The following DDX11 variants were observed in gnomAD, a reference collection of about 807,000 sequenced individuals.
The protein encoded by DDX11 is DEAD/H-box helicase 11.
Under a neutral mutation model 125.2 loss-of-function variants are expected in DDX11, and 72 were observed. The observed-to-expected ratio is 0.58, with a 90% CI of 0.48 to 0.70. The LOEUF (loss-of-function observed/expected upper bound fraction) is 0.70. Among genes scored for constraint, DDX11 ranks in the 30% least tolerant of loss-of-function variants. The pLI is 0.00. For missense variants in DDX11, 883 were observed against 1,165.0 expected, an observed-to-expected ratio of 0.76 and a Z score of 3.52; for synonymous variants, 347 against 452.6, an observed-to-expected ratio of 0.77 and a Z score of 2.96.
chr12:31,090,005 G>A lies in DDX11; in HGVS notation c.1000G>A (p.Val334Met). The A allele has an allele frequency of 6.4e-7, 1 of 1,569,856 alleles. No individual in the cohort carries two copies. The highest frequency in any genetic ancestry group is 1.9e-5 in the Admixed American group (1 of 53,030). Residue 334 changes from valine (V) to methionine (M), a missense_variant, in exon 9 of 27, where the codon GTG becomes ATG. This residue lies in a region of DDX11 where 72 missense variants were observed against 159.7 expected (regional missense o/e 0.45). Transcript: ENST00000542838. ...TCTCCGGGATGAGGCCCTGGCAGAG[G>A]TGAAGGACATGGAGCAGCTGCTGGC... ...GLLRDEALAEVKDMEQLLALG... is the reference protein window; with the variant it reads ...GLLRDEALAEMKDMEQLLALG...
In DDX11 at chr12:31,084,595, A is replaced by G. The variant is rs1276909415; in HGVS notation, c.406A>G (p.Arg136Gly). ...LVDRLKAEQA[R>G]RKQREERLQQ... ...CTGCCTCCTGTAGGCGGAGCAGGCC[A>G]GGAGGAAGCAGCGAGAAGAACGCCT... is the stretch of plus-strand genomic sequence containing the variant. The change falls in exon 4 of 27, where the codon AGG becomes GGG. Residue 136 changes from arginine to glycine, a missense_variant. This residue lies in a region of DDX11 where 283 missense variants were observed against 359.6 expected (regional missense o/e 0.79). Coordinates refer to ENST00000542838, the MANE Select transcript of DDX11 (RefSeq NM_030653.4). 4.4e-6 allele frequency: 7 copies of G among 1,597,724 alleles called. No individual in the cohort carries two copies. Among genetic ancestry groups the G allele is most frequent in the Non-Finnish European group, 6.0e-6 (7 of 1,170,936 alleles).
In DDX11 at chr12:31,091,858, T is replaced by G; in HGVS notation, c.1229T>G (p.Val410Gly). ...ATCACGGGCATGCACAGCGTGGAGG[T>G]CAGCGGCTCCCAGGTGTGTGGGCCT... is the stretch of plus-strand genomic sequence containing the variant. ...DTITGMHSVE[V>G]SGSQLCQAHS... Residue 410 changes from valine to glycine, a missense_variant, in exon 10 of 27, where the codon GTC (valine) becomes GGC (glycine). Coordinates refer to ENST00000542838, the MANE Select transcript of DDX11 (RefSeq NM_030653.4). 1 of 1,613,516 alleles carries G rather than the reference T, an allele frequency of 6.2e-7. No homozygotes were observed. Among genetic ancestry groups the G allele is most frequent in the Non-Finnish European group, 8.5e-7 (1 of 1,179,814 alleles).
chr12:31,090,122 G>A (rs572420256), intron 9 of DDX11, 28 bp downstream of exon 9: 72 of 1,548,896 alleles, frequency 4.6e-5, no homozygotes, highest in African/African-American at 4.0e-4. Context: ...CCAGAAAGCC[G>A]CTCTTGACTC....
intron 14 of DDX11, among the ~76,000 whole-genome samples, chr12:31,095,306 G>C (rs192305263): frequency 6.6e-6 from 1 of 152,210 alleles, no homozygotes; most frequent in South Asian, 2.1e-4. Context: ...GACTGCCCCC[G>C]GGTACAGGGT....
intron 17 of DDX11, 22 bp downstream of exon 17, chr12:31,097,012 A>G (rs2140930057): frequency 6.2e-7 from 1 of 1,612,962 alleles, no homozygotes; most frequent in Non-Finnish European, 8.5e-7. Flanking sequence ...GTTCTTGGCC[A>G]GGTTCAGTTC....
chr12:31,074,130 T>C (rs1024367887), intron 1 of DDX11, 39 bp downstream of exon 1: 9 of 151,828 alleles, frequency 5.9e-5, no homozygotes, highest in Non-Finnish European at 1.0e-4. Flanking sequence ...ATTCCGGAAG[T>C]GGAGGGCCGG....
At chr12:31,096,536 T>A in intron 15 of DDX11, 101 bp from the exon 16 acceptor site, 1 of 1,587,418 alleles carries the variant, frequency 6.3e-7, no homozygotes, top group Admixed American at 1.8e-5. Context: ...GTGGGATGTG[T>A]GCTGCAGGTG....
At chr12:31,102,341 A>T (rs1315096786) in intron 22 of DDX11, 30 bp downstream of exon 22, 1 of 1,612,308 alleles carries the variant, frequency 6.2e-7, no homozygotes, top group Non-Finnish European at 8.5e-7. Flanking sequence ...CTTGGGTCTG[A>T]GATCGTGTGG....
rs913801647 is a variant in DDX11, at chr12:31,092,001, G to A, written c.1242+130G>A. 28 of 1,309,334 alleles carry A rather than the reference G, an allele frequency of 2.1e-5. No homozygotes were observed. In the East Asian group the frequency reaches 6.1e-4, roughly 28 times the overall value. 81.1% of individuals were successfully genotyped at this position (1,309,334 alleles called of 1,614,324 possible). A position where few individuals can be genotyped will look rare whatever the true frequency, so the allele number is the denominator to read the frequency against. ...GATAGAGGGTGCACGAGTCAAGGCG[G>A]TGACCTCATCGGAGGCTGACCATGG... On this transcript the variant is annotated intron_variant, in intron 10 of 26. Coordinates refer to ENST00000542838, the MANE Select transcript of DDX11 (RefSeq NM_030653.4).
chr12:31,075,042 C>T (rs1404704542), intron 1 of DDX11, among the ~76,000 whole-genome samples: 1 of 152,114 alleles, frequency 6.6e-6, no homozygotes, highest in East Asian at 1.9e-4. Flanking sequence ...TAATATGTTC[C>T]TGAAGTGCTT....
intron 9 of DDX11, 81 bp from the exon 10 acceptor site, chr12:31,091,638 C>T: frequency 2.1e-5 from 30 of 1,462,482 alleles, no homozygotes; most frequent in Non-Finnish European, 2.7e-5. Context: ...GAAGCACTCA[C>T]ATCAGGAGCT....
chr12:31,101,385 T>C, intron 20 of DDX11: 2 of 566,236 alleles, frequency 3.5e-6, no homozygotes, highest in Non-Finnish European at 6.3e-6. Flanking sequence ...TGAGGACGCC[T>C]CACACAGGAG....
intron 14 of DDX11, among the ~76,000 whole-genome samples, chr12:31,095,698 C>T (rs568147847): frequency 6.6e-6 from 1 of 151,834 alleles, no homozygotes; most frequent in South Asian, 2.1e-4. Context: ...ACAGTCCTGC[C>T]GTCCCTGCGC....
At chr12:31,077,187 AAG>A (rs201015721) in intron 1 of DDX11, among the ~76,000 whole-genome samples, 2,614 of 152,062 alleles carry the variant, frequency 0.017, 70 homozygotes, top group African/African-American at 0.061. Context: ...GTGAGTTCCA[AAG>A]AGAGAGGTGT....
chr12:31,098,589 C>T (rs1218190090), intron 18 of DDX11, among the ~76,000 whole-genome samples: 24 of 152,136 alleles, frequency 1.6e-4, no homozygotes, highest in Non-Finnish European at 2.6e-4. Context: ...CTGTTTTGAG[C>T]ATGACTGTGA....
rs1258015500 is a variant in DDX11, at chr12:31,096,693, A to G, written c.1578A>G (p.Lys526=). 1 of 1,614,008 alleles carries G rather than the reference A, an allele frequency of 6.2e-7. No individual in the cohort carries two copies. The highest frequency in any genetic ancestry group is 1.7e-5 in the Admixed American group (1 of 60,004). ...GAVFSSREQP[K]LAGFQQFLQS... is the part of the protein sequence containing the mutation. ...TGTTCTCATCCCGGGAGCAGCCCAA[A>G]CTGGCTGGGTTTCAGCAATTCCTGC... Residue 526 remains lysine (K), a synonymous_variant, in exon 16 of 27, where the codon AAA becomes AAG. Transcript: ENST00000542838.
In DDX11 at chr12:31,088,781, G is replaced by A. The variant is rs527520705; in HGVS notation, c.685-263G>A. Among the ~76,000 whole-genome samples, 4 of 152,300 alleles carry A rather than the reference G, an allele frequency of 2.6e-5. No individual in the cohort carries two copies. In the South Asian group the frequency reaches 6.2e-4, roughly 24 times the overall value. ...AAAGATTGGCCAACCCCCCAAAAGC[G>A]GTTGATTAGAGGCTGGATATGACTC... is the stretch of plus-strand genomic sequence containing the variant. On this transcript the variant is annotated intron_variant, in intron 6 of 26. Coordinates refer to ENST00000542838, the MANE Select transcript of DDX11 (RefSeq NM_030653.4).
chr12:31,078,281 G>A, intron 1 of DDX11, 109 bp from the exon 2 acceptor site: 1 of 1,608,860 alleles, frequency 6.2e-7, no homozygotes, highest in Non-Finnish European at 8.5e-7. Flanking sequence ...GAAAAAAGGA[G>A]AAATTTGGTA....
Position 31,083,793 on chromosome 12 carries a change from G to T in DDX11, c.145-20G>T. On this transcript the variant is annotated intron_variant, in intron 2 of 26. Coordinates refer to ENST00000542838, the MANE Select transcript of DDX11 (RefSeq NM_030653.4). Reference sequence around the variant, plus strand: ...GCTTTGTTGTTTTCCTGTTTCTAAAGATCATTTTTCTTCCTGCAGGGGAAG... The same window carrying T: ...GCTTTGTTGTTTTCCTGTTTCTAAATATCATTTTTCTTCCTGCAGGGGAAG... 1 of 1,611,596 alleles carries T rather than the reference G, an allele frequency of 6.2e-7. No homozygotes were observed. Among genetic ancestry groups the T allele is most frequent in the South Asian group, 1.1e-5 (1 of 90,964 alleles).
Sources: allele counts gnomAD v4.1 joint callset (sites outside exome capture counted in the v4.1 genomes callset), GRCh38; gene constraint gnomAD v4.1.1; regional missense constraint gnomAD v4.1.1; transcripts MANE v1.5; gene names NCBI Gene and HGNC (gene_info 2026-07-23, HGNC 2026-07-21).